Variants in TENM4 observed in about 807,000 individuals in gnomAD.
The protein encoded by TENM4 is teneurin-4.
Under a neutral mutation model 243.3 loss-of-function variants are expected in TENM4, and 82 were observed. That is an observed-to-expected ratio of 0.34 (90% CI 0.28 to 0.40). The LOEUF (loss-of-function observed/expected upper bound fraction) is 0.40. TENM4 is among the 10% of genes least tolerant of loss of function. TENM4 has a pLI of 1.00. For synonymous variants in TENM4, 1,412 were observed against 1,456.3 expected, an observed-to-expected ratio of 0.97 and a Z score of 0.69; for missense variants, 3,138 against 3,673.3, an observed-to-expected ratio of 0.85 and a Z score of 3.77.
chr11:78,666,468 A>T (rs543151192), intron 32 of TENM4, among the ~76,000 whole-genome samples: 1 of 152,370 alleles, frequency 6.6e-6, no homozygotes, highest in African/African-American at 2.4e-5. Context: ...GAAGGTGGGT[A>T]TTATACCTCA....
chr11:78,995,384 C>T lies in TENM4; in HGVS notation c.493+69354G>A, dbSNP rs111408674. Among the ~76,000 whole-genome samples, 284 of 152,216 alleles carry T rather than the reference C, an allele frequency of 1.9e-3. 1 individual carries two copies. The highest frequency in any genetic ancestry group is 6.3e-3 in the African/African-American group (262 of 41,530). On this transcript the variant is annotated intron_variant, in intron 6 of 33. Transcript: ENST00000278550. The stretch of plus-strand genomic sequence containing the variant: ...GCAGAGGAGTGACGTCCTGAAAACT[C>T]CTGTCCTTGACATCTCCCAGCTGGC...
In TENM4 at chr11:79,069,798, G is replaced by A. The variant is rs925899838; in HGVS notation, c.147C>T (p.Asp49=). ...YSSSETLKAY[D]QDARLAYGSR... The stretch of plus-strand genomic sequence containing the variant: ...TGCCATAGGCTAGGCGGGCGTCCTG[G>A]TCGTAGGCCTTCAGGGTCTCGCTGG... Residue 49 remains aspartate, a synonymous_variant, in exon 5 of 34, where the codon GAC becomes GAT. Transcript: ENST00000278550. 1.3e-6 allele frequency: 2 copies of A among 1,551,108 alleles called. No individual in the cohort carries two copies. The highest frequency in any genetic ancestry group is 1.7e-6 in the Non-Finnish European group (2 of 1,146,904).
chr11:78,670,500 T>G lies in TENM4; in HGVS notation c.5845A>C (p.Lys1949Gln). 6.2e-7 allele frequency: 1 copy of G among 1,613,548 alleles called. No homozygotes were observed. Among genetic ancestry groups the G allele is most frequent in the Non-Finnish European group, 8.5e-7 (1 of 1,179,804 alleles). The change falls in exon 32 of 34, where the codon AAG becomes CAG. Residue 1949 changes from lysine to glutamine, a missense_variant. By Grantham distance (53) the Lys-to-Gln change is moderately conservative. This residue lies in a region of TENM4 where 2,467 missense variants were observed against 3,059.1 expected (regional missense o/e 0.81). Coordinates refer to ENST00000278550, the MANE Select transcript of TENM4 (RefSeq NM_001098816.3). ...SQRQYIFEFD[K>Q]NDRLSSVTMP... ...GTCACAGAAGAGAGGCGGTCATTCTTGTCGAACTCAAAGATATACTGCCTC... is the reference window on the plus strand; with the variant it reads ...GTCACAGAAGAGAGGCGGTCATTCTGGTCGAACTCAAAGATATACTGCCTC...
At chr11:79,396,979 T>C (rs1858358449) in intron 1 of TENM4, among the ~76,000 whole-genome samples, 1 of 152,194 alleles carries the variant, frequency 6.6e-6, no homozygotes, top group Non-Finnish European at 1.5e-5. Context: ...CTCTTTGAGT[T>C]TCTCCTGAGC....
chr11:79,033,175 A>T (rs1859289635), intron 6 of TENM4, among the ~76,000 whole-genome samples: 1 of 152,012 alleles, frequency 6.6e-6, no homozygotes, highest in African/African-American at 2.4e-5. Context: ...GAATTTGTTT[A>T]TTGGGTCACC....
rs1375038102 is a variant in TENM4 at position 78,856,159 on chromosome 11, A to G, written c.1275T>C (p.Phe425=). 6.4e-7 allele frequency: 1 copy of G among 1,551,586 alleles called. No homozygotes were observed. Among genetic ancestry groups the G allele is most frequent in the East Asian group, 2.4e-5 (1 of 40,908 alleles). The change falls in exon 11 of 34, where the codon TTT becomes TTC. Residue 425 remains phenylalanine (F), a synonymous_variant. Coordinates refer to ENST00000278550, the MANE Select transcript of TENM4 (RefSeq NM_001098816.3). ...GTTEGKPSSF[F]PEDSFIDSGE... ...CAGAATCTATGAAACTGTCCTCTGGAAAGAAACTACTGGGCTTTCCTACCA... is the reference window on the plus strand; with the variant it reads ...CAGAATCTATGAAACTGTCCTCTGGGAAGAAACTACTGGGCTTTCCTACCA...
intron 6 of TENM4, among the ~76,000 whole-genome samples, chr11:79,013,145 G>A (rs921102460): frequency 3.9e-5 from 6 of 152,000 alleles, no homozygotes; most frequent in Non-Finnish European, 7.4e-5. Flanking sequence ...TCAGACATTC[G>A]GGAAATGGCA....
chr11:79,100,113 G>C (rs927537425), intron 4 of TENM4, among the ~76,000 whole-genome samples: 3 of 152,186 alleles, frequency 2.0e-5, no homozygotes, highest in Non-Finnish European at 4.4e-5. Flanking sequence ...ACGTTTCCCT[G>C]TCTGTAAAAT....
At chr11:79,113,274 T>A (rs1034141431) in intron 4 of TENM4, among the ~76,000 whole-genome samples, 1 of 146,374 alleles carries the variant, frequency 6.8e-6, no homozygotes, top group Non-Finnish European at 1.5e-5. Context: ...GGGAAGGCTG[T>A]CTTGGAGTGG....
chr11:79,057,442 G>A (rs1184014477), intron 6 of TENM4, among the ~76,000 whole-genome samples: 2 of 151,880 alleles, frequency 1.3e-5, no homozygotes, highest in South Asian at 2.1e-4. Context: ...CTCACCTACC[G>A]CAAGGCTATG....
intron 16 of TENM4, among the ~76,000 whole-genome samples, chr11:78,784,533 A>G (rs1258435587): frequency 6.6e-6 from 1 of 152,226 alleles, no homozygotes; most frequent in Admixed American, 6.5e-5. Context: ...AATGAGAGGT[A>G]TTAATAGAAT....
intron 23 of TENM4, among the ~76,000 whole-genome samples, chr11:78,724,603 T>G (rs1441021839): frequency 6.6e-6 from 1 of 152,230 alleles, no homozygotes; most frequent in African/African-American, 2.4e-5. Context: ...AGTTCTTATA[T>G]ACACATGGTA....
At chr11:78,909,142 A>G (rs892009864) in intron 6 of TENM4, among the ~76,000 whole-genome samples, 2 of 152,244 alleles carry the variant, frequency 1.3e-5, no homozygotes, top group African/African-American at 4.8e-5. Flanking sequence ...AGATTGAGAA[A>G]TAAAACAAAT....
chr11:78,736,854 C>T lies in TENM4; in HGVS notation c.2876+1597G>A, dbSNP rs73496567. Among the ~76,000 whole-genome samples the T allele has an allele frequency of 7.4e-3, 1,123 of 151,990 alleles. 12 individuals carry two copies. The highest frequency in any genetic ancestry group is 0.026 in the African/African-American group (1,081 of 41,446). On this transcript the variant is annotated intron_variant, in intron 20 of 33. Coordinates refer to ENST00000278550, the MANE Select transcript of TENM4 (RefSeq NM_001098816.3). ...AGCTCTGTTGCAGCAATTCTGGCTA[C>T]GTGATGTAATTTAGGAGGATGATGC...
intron 12 of TENM4, among the ~76,000 whole-genome samples, chr11:78,815,808 A>T (rs1249871449): frequency 6.6e-6 from 1 of 152,274 alleles, no homozygotes; most frequent in African/African-American, 2.4e-5. Flanking sequence ...CAAAACCAAC[A>T]GGTGGCTGAG....
At chr11:79,147,356 A>G (rs1270827660) in intron 4 of TENM4, among the ~76,000 whole-genome samples, 1 of 152,054 alleles carries the variant, frequency 6.6e-6, no homozygotes, top group Non-Finnish European at 1.5e-5. Context: ...GACCGGGGCT[A>G]TGGCATCAGT....
chr11:79,396,547 A>G (rs1858349296), intron 1 of TENM4, among the ~76,000 whole-genome samples: 1 of 152,160 alleles, frequency 6.6e-6, no homozygotes, highest in Non-Finnish European at 1.5e-5. Context: ...AAGCAGCCCA[A>G]CTGTTCATAC....
intron 15 of TENM4, among the ~76,000 whole-genome samples, chr11:78,791,015 C>T (rs2136049043): frequency 6.6e-6 from 1 of 152,286 alleles, no homozygotes; most frequent in Non-Finnish European, 1.5e-5. Flanking sequence ...GGGCACTCCT[C>T]CACCAGCCCT....
At chr11:78,868,649 G>A (rs922144723) in intron 9 of TENM4, among the ~76,000 whole-genome samples, 5 of 152,182 alleles carry the variant, frequency 3.3e-5, no homozygotes, top group African/African-American at 1.2e-4. Flanking sequence ...TCAGCACCCG[G>A]CCAGCAGGAG....
Sources: allele counts gnomAD v4.1 joint callset (sites outside exome capture counted in the v4.1 genomes callset), GRCh38; gene constraint gnomAD v4.1.1; regional missense constraint gnomAD v4.1.1; transcripts MANE v1.5; gene names NCBI Gene and HGNC (gene_info 2026-07-23, HGNC 2026-07-21).